DPP10: variants seen among roughly 807,000 people sequenced by gnomAD.
DPP10 encodes dipeptidyl peptidase like 10.
In DPP10, 33 loss-of-function variants were observed where a neutral mutation model predicts 120.9. The ratio of observed to expected loss-of-function variants is 0.27; its 90% CI spans 0.21 to 0.37. The LOEUF (loss-of-function observed/expected upper bound fraction) is 0.37, where lower values mean the gene tolerates loss of function less well. DPP10 is among the 10% of genes least tolerant of loss of function. The probability of loss-of-function intolerance (pLI) is 1.00; values close to 1 mark genes in which losing one functional copy is unlikely to be tolerated. For missense variants in DPP10, 816 were observed against 942.8 expected (o/e 0.87, Z 1.76); for synonymous variants, 337 against 326.1 (o/e 1.03, Z -0.36).
rs560261654 is a variant in DPP10, at chr2:114,478,358, A to C, written c.60+35520A>C. Among the ~76,000 whole-genome samples, 3 of 152,190 alleles carry C rather than the reference A, an allele frequency of 2.0e-5. No homozygotes were observed. In the South Asian group the frequency reaches 6.2e-4, roughly 32 times the overall value. ...TTACCTAGAAAAATAATTTAACAGAATCTGATATTTATTTACTGCAAACAT... is the reference window on the plus strand; with the variant it reads ...TTACCTAGAAAAATAATTTAACAGACTCTGATATTTATTTACTGCAAACAT... On this transcript the variant is annotated intron_variant, in intron 1 of 25. Transcript: ENST00000410059.
chr2:115,019,587 A>G (rs911144777), intron 1 of DPP10, among the ~76,000 whole-genome samples: 7 of 152,214 alleles, frequency 4.6e-5, no homozygotes, highest in Non-Finnish European at 1.0e-4. Flanking sequence ...TTTGGAAAAC[A>G]TCTTTGAGGG....
intron 1 of DPP10, among the ~76,000 whole-genome samples, chr2:115,095,575 T>TTG (rs936274729): frequency 2.0e-5 from 2 of 97,584 alleles, no homozygotes; most frequent in African/African-American, 7.2e-5. Flanking sequence ...TTCTGTTTGG[T>TTG]TTTTTTTTTG....
At chr2:114,996,521 A>T (rs1408891422) in intron 1 of DPP10, among the ~76,000 whole-genome samples, 1 of 152,156 alleles carries the variant, frequency 6.6e-6, no homozygotes, top group African/African-American at 2.4e-5. Flanking sequence ...AATTTTTTTT[A>T]ATTTAAAACA....
At chr2:115,115,418 T>G (rs2049451457) in intron 1 of DPP10, among the ~76,000 whole-genome samples, 1 of 152,182 alleles carries the variant, frequency 6.6e-6, no homozygotes. Context: ...GAAGAGAATT[T>G]GGATCATCTA....
chr2:115,241,185 C>T (rs2058260186), intron 1 of DPP10, among the ~76,000 whole-genome samples: 1 of 152,168 alleles, frequency 6.6e-6, no homozygotes, highest in African/African-American at 2.4e-5. Context: ...AGGAGAATTG[C>T]TTGAACCCGG....
chr2:115,022,284 C>T (rs1167591639), intron 1 of DPP10, among the ~76,000 whole-genome samples: 1 of 152,006 alleles, frequency 6.6e-6, no homozygotes, highest in Non-Finnish European at 1.5e-5. Context: ...GTACAAAAAG[C>T]TCCTACAAAG....
At chr2:115,297,526 A>T (rs1481911553) in intron 1 of DPP10, among the ~76,000 whole-genome samples, 1 of 152,068 alleles carries the variant, frequency 6.6e-6, no homozygotes, top group Non-Finnish European at 1.5e-5. Flanking sequence ...CTAAGCCCAA[A>T]AATAGTTTCT....
chr2:114,905,264 G>A (rs1693872419), intron 1 of DPP10, among the ~76,000 whole-genome samples: 1 of 151,850 alleles, frequency 6.6e-6, no homozygotes, highest in African/African-American at 2.4e-5. Flanking sequence ...AATTTGGGTG[G>A]GGGGAGTGGG....
intron 15 of DPP10, among the ~76,000 whole-genome samples, chr2:115,779,020 C>T (rs897348233): frequency 6.6e-6 from 1 of 151,992 alleles, no homozygotes; most frequent in African/African-American, 2.4e-5. Context: ...TAGCCATAAA[C>T]TGTAGCTTAG....
intron 1 of DPP10, among the ~76,000 whole-genome samples, chr2:115,124,396 T>C (rs901324835): frequency 6.6e-5 from 10 of 152,200 alleles, no homozygotes; most frequent in Non-Finnish European, 1.5e-4. Context: ...TCTCCCTCAT[T>C]ATCTGATCTT....
intron 7 of DPP10, among the ~76,000 whole-genome samples, chr2:115,690,417 A>G (rs1575534177): frequency 2.0e-5 from 3 of 152,232 alleles, no homozygotes; most frequent in Middle Eastern, 3.4e-3. Context: ...AATTATATAT[A>G]TATGTATGTG....
intron 19 of DPP10, among the ~76,000 whole-genome samples, chr2:115,802,541 C>A (rs1685389201): frequency 6.6e-6 from 1 of 152,142 alleles, no homozygotes; most frequent in Admixed American, 6.5e-5. Context: ...AATTTTAGAT[C>A]TTTCCTGCTT....
In DPP10 at chr2:115,239,640, A is replaced by G. The variant is rs147970644; in HGVS notation, c.61-69599A>G. ...TATTATACTTTAAGTTCTGGGATAC[A>G]TGTGCAGAACGTGCAGGTTTGTTGC... is the stretch of plus-strand genomic sequence containing the variant. On this transcript the variant is annotated intron_variant, in intron 1 of 25. Coordinates refer to ENST00000410059, the MANE Select transcript of DPP10 (RefSeq NM_020868.6). Among the ~76,000 whole-genome samples the G allele has an allele frequency of 8.6e-3, 1,303 of 152,302 alleles. 82 individuals carry two copies. In the East Asian group the frequency reaches 0.16, roughly 19 times the overall value.
At chr2:115,187,603 C>A (rs879777906) in intron 1 of DPP10, among the ~76,000 whole-genome samples, 6 of 151,944 alleles carry the variant, frequency 3.9e-5, no homozygotes, top group Non-Finnish European at 7.4e-5. Flanking sequence ...TTTGGGAGTT[C>A]AATAACAAGG....
Position 115,785,859 on chromosome 2 carries a change from C to CTTGGGAT in DPP10, c.1531+3461_1531+3462insTGGGATT, listed in dbSNP as rs1165395132. ...TGTGGGTTTTTTTTTTTTCTTCCTCCTGTAGCTTTGGGATTGATTTGCTCT... is the reference window on the plus strand; with the variant it reads ...TGTGGGTTTTTTTTTTTTCTTCCTCCTTGGGATTGTAGCTTTGGGATTGATTTGCTCT... On this transcript the variant is annotated intron_variant, in intron 17 of 25. Coordinates refer to ENST00000410059, the MANE Select transcript of DPP10 (RefSeq NM_020868.6). Among the ~76,000 whole-genome samples, 386 of 149,624 alleles carry CTTGGGAT rather than the reference C, an allele frequency of 2.6e-3. 2 individuals carry two copies. Among genetic ancestry groups the CTTGGGAT allele is most frequent in the African/African-American group, 9.2e-3 (376 of 40,986 alleles).
At chr2:114,843,412 C>A (rs1192180416) in intron 1 of DPP10, among the ~76,000 whole-genome samples, 1 of 152,086 alleles carries the variant, frequency 6.6e-6, no homozygotes, top group Non-Finnish European at 1.5e-5. Context: ...ATATCTTTGG[C>A]TCCACACCTT....
intron 5 of DPP10, among the ~76,000 whole-genome samples, chr2:115,680,093 A>G (rs978019517): frequency 6.6e-6 from 1 of 152,022 alleles, no homozygotes; most frequent in African/African-American, 2.4e-5. Context: ...GTATAAAAAT[A>G]TCACATTGTA....
intron 1 of DPP10, among the ~76,000 whole-genome samples, chr2:114,648,178 C>G (rs1696282239): frequency 6.6e-6 from 1 of 152,144 alleles, no homozygotes; most frequent in South Asian, 2.1e-4. Context: ...CTCGTCCTCC[C>G]CATGACACTT....
At position 115,800,460 on chromosome 2, in the gene DPP10, T is replaced by G. The variant is rs575396869; in HGVS notation, c.1700+9104T>G. ...TTTAATTAGATCACATTTGTCAATTTTGGCTTTTGTTGCCATTGCTTTTGG... is the reference window on the plus strand; with the variant it reads ...TTTAATTAGATCACATTTGTCAATTGTGGCTTTTGTTGCCATTGCTTTTGG... On this transcript the variant is annotated intron_variant, in intron 19 of 25. Transcript: ENST00000410059. Among the ~76,000 whole-genome samples, 1,175 of 152,124 alleles carry G rather than the reference T, an allele frequency of 7.7e-3. 18 individuals are homozygous for G. Among genetic ancestry groups the G allele is most frequent in the African/African-American group, 0.025 (1,033 of 41,356 alleles).
Sources: gnomAD v4.1 joint callset for allele counts (sites outside exome capture counted in the v4.1 genomes callset) on GRCh38, gnomAD v4.1.1 for gene constraint, MANE v1.5 for transcripts, NCBI Gene and HGNC (gene_info 2026-07-23, HGNC 2026-07-21) for gene names.